The following CTNND2 variants were observed in gnomAD, a reference collection of about 807,000 sequenced individuals.
CTNND2 encodes catenin delta-2.
Under a neutral mutation model 144.4 loss-of-function variants are expected in CTNND2, and 22 were observed. That is an observed-to-expected ratio of 0.15 (90% confidence interval 0.11 to 0.22). The LOEUF (loss-of-function observed/expected upper bound fraction) is 0.22, where lower values mean the gene tolerates loss of function less well. Ranked by LOEUF, CTNND2 falls within the 10% of genes least tolerant of loss-of-function variation. CTNND2 has a pLI of 1.00. For missense variants in CTNND2, 1,353 were observed against 1,618.8 expected, an observed-to-expected ratio of 0.84 and a Z score of 2.82; for synonymous variants, 751 against 695.6, an observed-to-expected ratio of 1.08 and a Z score of -1.25.
At chr5:11,289,540 G>A (rs903566718) in intron 9 of CTNND2, among the ~76,000 whole-genome samples, 3 of 151,932 alleles carry the variant, frequency 2.0e-5, no homozygotes, top group Non-Finnish European at 4.4e-5. Flanking sequence ...GAGTACAGAT[G>A]CACTCTCCTG....
rs1561203219 is a variant in CTNND2, at chr5:11,033,826, TCAACAACAACAG to T, written c.2789-10859_2789-10848del. Reference sequence around the variant, plus strand: ...GCCCAGGCAACAGAGTACGACTGTCTCAACAACAACAGCAACAACAACAACAACATCTTTCAC... The same window carrying T: ...GCCCAGGCAACAGAGTACGACTGTCTCAACAACAACAACAACATCTTTCAC... On this transcript the variant is annotated intron_variant, in intron 16 of 21. Transcript: ENST00000304623. Among the ~76,000 whole-genome samples the T allele has an allele frequency of 2.1e-5, 3 of 143,638 alleles. No homozygotes were observed. In the Admixed American group the frequency reaches 2.1e-4, roughly 10 times the overall value. 94.2% of individuals were successfully genotyped at this position (143,638 alleles called of 152,430 possible). A position where few individuals can be genotyped will look rare whatever the true frequency, so the allele number is the denominator to read the frequency against.
intron 1 of CTNND2, among the ~76,000 whole-genome samples, chr5:11,888,657 C>A (rs1736734091): frequency 1.3e-5 from 2 of 151,854 alleles, no homozygotes; most frequent in Non-Finnish European, 2.9e-5. Context: ...ACATGGTTAC[C>A]TGTTAGAAAT....
intron 3 of CTNND2, among the ~76,000 whole-genome samples, chr5:11,468,487 C>G (rs993128289): frequency 6.6e-6 from 1 of 152,014 alleles, no homozygotes; most frequent in Non-Finnish European, 1.5e-5. Flanking sequence ...GGTATCAGCC[C>G]CAGGAAGCCA....
chr5:11,568,834 G>A (rs923117351), intron 2 of CTNND2, among the ~76,000 whole-genome samples: 3 of 152,230 alleles, frequency 2.0e-5, no homozygotes, highest in African/African-American at 4.8e-5. Flanking sequence ...GCATTCAAGA[G>A]AGGGATGTTG....
chr5:11,397,338 T>A, intron 5 of CTNND2, 135 bp from the exon 6 acceptor site: 1 of 665,936 alleles, frequency 1.5e-6, no homozygotes, highest in Admixed American at 3.5e-5. Context: ...TTCTGAGAAC[T>A]AAAATGACCA....
chr5:11,262,752 ACT>A (rs1174247056), intron 9 of CTNND2, among the ~76,000 whole-genome samples: 2 of 109,620 alleles, frequency 1.8e-5, no homozygotes, highest in Non-Finnish European at 3.5e-5. Context: ...ACAGAGTAAG[ACT>A]CTGTCTCAAA....
chr5:11,439,962 C>T (rs1395198173), intron 3 of CTNND2, among the ~76,000 whole-genome samples: 1 of 151,968 alleles, frequency 6.6e-6, no homozygotes, highest in Non-Finnish European at 1.5e-5. Context: ...TGAGCCACCA[C>T]CATGCCTGGT....
chr5:11,025,781 T>C (rs1409876445), intron 16 of CTNND2, among the ~76,000 whole-genome samples: 4 of 152,208 alleles, frequency 2.6e-5, no homozygotes, highest in Non-Finnish European at 4.4e-5. Context: ...ATCCTGTATT[T>C]TCTTTTTAAC....
intron 7 of CTNND2, among the ~76,000 whole-genome samples, chr5:11,369,241 C>T (rs1757244652): frequency 6.6e-6 from 1 of 152,190 alleles, no homozygotes; most frequent in Non-Finnish European, 1.5e-5. Flanking sequence ...GAAATGACCA[C>T]AAAAAGGTGA....
At chr5:11,031,513 T>C (rs1485421648) in intron 16 of CTNND2, among the ~76,000 whole-genome samples, 2 of 152,192 alleles carry the variant, frequency 1.3e-5, no homozygotes, top group African/African-American at 4.8e-5. Flanking sequence ...AGTTTCAAAA[T>C]AGTTATATCA....
At chr5:11,244,241 G>A (rs1473923150) in intron 9 of CTNND2, among the ~76,000 whole-genome samples, 9 of 150,256 alleles carry the variant, frequency 6.0e-5, no homozygotes, top group Admixed American at 6.0e-4. Context: ...CCTCATTCCT[G>A]GATAGTTTGT....
chr5:11,202,317 G>GAA (rs1188870159), intron 10 of CTNND2, among the ~76,000 whole-genome samples: 1 of 152,112 alleles, frequency 6.6e-6, no homozygotes, highest in Non-Finnish European at 1.5e-5. Context: ...AATGCAGCAT[G>GAA]AATTCTAAAT....
At chr5:11,098,128 GTTCTT>G (rs3032097) in intron 15 of CTNND2, among the ~76,000 whole-genome samples, 48,399 of 151,270 alleles carry the variant, frequency 0.32, 7,699 homozygotes, top group Non-Finnish European at 0.34. Context: ...AACATAAGGG[GTTCTT>G]TTCTTTTCTT....
At chr5:11,143,160 T>A (rs1756913890) in intron 12 of CTNND2, among the ~76,000 whole-genome samples, 1 of 152,132 alleles carries the variant, frequency 6.6e-6, no homozygotes, top group African/African-American at 2.4e-5. Context: ...CAGAGGGCTA[T>A]CCTATTATTC....
At position 11,820,338 on chromosome 5, in the gene CTNND2, G is replaced by T. The variant is rs61761637; in HGVS notation, c.37+83479C>A. Among the ~76,000 whole-genome samples, 17 of 152,244 alleles carry T rather than the reference G, an allele frequency of 1.1e-4. No homozygotes were observed. The East Asian group carries it at 3.3e-3, about 29-fold the overall frequency. On this transcript the variant is annotated intron_variant, in intron 1 of 21. Transcript: ENST00000304623. ...CAATGTCTAATATTTCACTCCATGGGACTATAACCCTTAAGGCTCAAACTT... is the reference window on the plus strand; with the variant it reads ...CAATGTCTAATATTTCACTCCATGGTACTATAACCCTTAAGGCTCAAACTT...
chr5:11,050,601 G>C (rs932068999), intron 16 of CTNND2, among the ~76,000 whole-genome samples: 1 of 152,174 alleles, frequency 6.6e-6, no homozygotes, highest in Non-Finnish European at 1.5e-5. Context: ...ACAATGGTCA[G>C]ACAATGCATA....
intron 16 of CTNND2, among the ~76,000 whole-genome samples, chr5:11,068,834 G>A (rs1050343785): frequency 3.3e-5 from 5 of 152,280 alleles, no homozygotes; most frequent in South Asian, 2.1e-4. Flanking sequence ...GGAGAATGGC[G>A]TGAACCTGGG....
At chr5:11,486,815 T>C (rs563171470) in intron 3 of CTNND2, among the ~76,000 whole-genome samples, 3 of 152,346 alleles carry the variant, frequency 2.0e-5, no homozygotes, top group African/African-American at 7.2e-5. Flanking sequence ...AAGCTGTATA[T>C]GAAATAATTT....
intron 20 of CTNND2, 60 bp from the exon 21 acceptor site, chr5:10,981,906 G>T: frequency 6.9e-7 from 1 of 1,439,508 alleles, no homozygotes; most frequent in Non-Finnish European, 9.7e-7. Context: ...ATAAGGAATA[G>T]TTGTTATTGA....
Sources: gnomAD v4.1 joint callset for allele counts (sites outside exome capture counted in the v4.1 genomes callset) on GRCh38, gnomAD v4.1.1 for gene constraint, MANE v1.5 for transcripts, NCBI Gene and HGNC (gene_info 2026-07-23, HGNC 2026-07-21) for gene names.